Variants in CNTN5 observed in about 807,000 individuals in gnomAD.
The protein encoded by CNTN5 is contactin 5.
Under a neutral mutation model 129.1 loss-of-function variants are expected in CNTN5, and 77 were observed. The observed-to-expected ratio is 0.60, with a 90% CI of 0.50 to 0.72. The LOEUF (loss-of-function observed/expected upper bound fraction) is 0.72. Ranked by LOEUF, CNTN5 falls within the 30% of genes least tolerant of loss-of-function variation. CNTN5 has a pLI of 0.00. For missense variants in CNTN5, 1,478 were observed against 1,328.8 expected (o/e 1.11, Z -1.75); for synonymous variants, 509 against 465.6 (o/e 1.09, Z -1.20).
intron 4 of CNTN5, among the ~76,000 whole-genome samples, chr11:99,832,721 C>T (rs78127828): frequency 0.035 from 5,283 of 152,188 alleles, 134 homozygotes; most frequent in South Asian, 0.093. Context: ...GTTAACACTT[C>T]AAAATTTCTT....
chr11:100,177,728 G>A (rs766360021), intron 13 of CNTN5, among the ~76,000 whole-genome samples: 28 of 152,076 alleles, frequency 1.8e-4, no homozygotes, highest in Non-Finnish European at 3.8e-4. Context: ...ACAGGGAGCC[G>A]ACATATACGT....
chr11:99,774,400 C>T (rs1402081977), intron 3 of CNTN5, among the ~76,000 whole-genome samples: 3 of 151,422 alleles, frequency 2.0e-5, no homozygotes, highest in Non-Finnish European at 4.4e-5. Context: ...TGATTCCTCC[C>T]CTTTTGTTTA....
At chr11:99,510,597 A>G (rs1946798671) in intron 2 of CNTN5, among the ~76,000 whole-genome samples, 1 of 152,198 alleles carries the variant, frequency 6.6e-6, no homozygotes, top group Admixed American at 6.5e-5. Context: ...GTTTTGGTCA[A>G]TAATGGACTG....
At chr11:99,197,803 A>G (rs1164151983) in intron 1 of CNTN5, among the ~76,000 whole-genome samples, 1 of 152,126 alleles carries the variant, frequency 6.6e-6, no homozygotes, top group East Asian at 1.9e-4. Context: ...AATATTAGGT[A>G]CAAGGATTAA....
intron 21 of CNTN5, among the ~76,000 whole-genome samples, chr11:100,340,098 T>C (rs1591527640): frequency 6.6e-6 from 1 of 152,164 alleles, no homozygotes; most frequent in Non-Finnish European, 1.5e-5. Flanking sequence ...CATTTGAAGT[T>C]TCATGGTTTT....
intron 1 of CNTN5, among the ~76,000 whole-genome samples, chr11:99,213,342 A>G (rs1859916292): frequency 7.2e-6 from 1 of 138,028 alleles, no homozygotes; most frequent in Non-Finnish European, 1.6e-5. Flanking sequence ...ATACATATAT[A>G]AAATATTATA....
chr11:99,729,866 G>A (rs370549546), intron 3 of CNTN5, among the ~76,000 whole-genome samples: 1 of 152,132 alleles, frequency 6.6e-6, no homozygotes, highest in African/African-American at 2.4e-5. Context: ...CATGGACACG[G>A]GGAGGGGAAC....
intron 13 of CNTN5, among the ~76,000 whole-genome samples, chr11:100,103,391 T>C (rs1007693358): frequency 2.0e-5 from 3 of 152,162 alleles, no homozygotes; most frequent in African/African-American, 7.2e-5. Flanking sequence ...ACAATCCATG[T>C]CTTGGAGCGC....
chr11:99,274,639 C>T (rs1863339190), intron 1 of CNTN5, among the ~76,000 whole-genome samples: 1 of 151,440 alleles, frequency 6.6e-6, no homozygotes, highest in African/African-American at 2.4e-5. Flanking sequence ...TCAATAAAAA[C>T]TACTATATAT....
At chr11:100,232,458 A>C (rs1302948839) in intron 16 of CNTN5, among the ~76,000 whole-genome samples, 1 of 152,222 alleles carries the variant, frequency 6.6e-6, no homozygotes, top group Non-Finnish European at 1.5e-5. Flanking sequence ...GGCAAGGGCA[A>C]GTTCAGAGGA....
intron 3 of CNTN5, among the ~76,000 whole-genome samples, chr11:99,701,895 ACTC>A (rs1954537589): frequency 6.6e-6 from 1 of 150,848 alleles, no homozygotes; most frequent in Non-Finnish European, 1.5e-5. Flanking sequence ...GAGCTATTTT[ACTC>A]CTAATTTCTT....
At chr11:99,408,476 A>AAG (rs1362620209) in intron 2 of CNTN5, among the ~76,000 whole-genome samples, 3 of 135,466 alleles carry the variant, frequency 2.2e-5, no homozygotes, top group South Asian at 5.0e-4. Flanking sequence ...GAAAGAAAGA[A>AAG]AGAAAGAAAG....
intron 3 of CNTN5, among the ~76,000 whole-genome samples, chr11:99,729,624 A>T (rs1279495194): frequency 6.6e-6 from 1 of 152,166 alleles, no homozygotes; most frequent in African/African-American, 2.4e-5. Context: ...GAAGTAATTC[A>T]CAGTGGCGGA....
rs183390241 is a variant in CNTN5 at position 99,582,588 on chromosome 11, G to A, written c.55+26319G>A. ...CATTTCATTCATTTCGTCTTCCATCGCTGATACCCTTTCTTCCAGTTGATC... is the reference window on the plus strand; with the variant it reads ...CATTTCATTCATTTCGTCTTCCATCACTGATACCCTTTCTTCCAGTTGATC... On this transcript the variant is annotated intron_variant, in intron 3 of 24. Coordinates refer to ENST00000524871, the MANE Select transcript of CNTN5 (RefSeq NM_014361.4). 5.8e-4 allele frequency among the ~76,000 whole-genome samples: 88 copies of A among 151,878 alleles called. 1 individual carries two copies. The highest frequency in any genetic ancestry group is 1.3e-3 in the African/African-American group (55 of 41,380).
intron 6 of CNTN5, among the ~76,000 whole-genome samples, chr11:99,886,754 C>T (rs1301350643): frequency 1.3e-5 from 2 of 152,112 alleles, no homozygotes; most frequent in African/African-American, 2.4e-5. Context: ...GCAGTGAAAA[C>T]TAATGAATCC....
chr11:100,300,610 TA>T (rs1050105889), intron 20 of CNTN5, among the ~76,000 whole-genome samples: 1 of 151,606 alleles, frequency 6.6e-6, no homozygotes, highest in African/African-American at 2.4e-5. Context: ...TGTGAATATT[TA>T]AAAACAAAGA....
chr11:99,890,049 T>C (rs2135901853), intron 6 of CNTN5, among the ~76,000 whole-genome samples: 1 of 152,322 alleles, frequency 6.6e-6, no homozygotes, highest in South Asian at 2.1e-4. Context: ...AGTGCTTATT[T>C]GTCATGGACC....
intron 2 of CNTN5, among the ~76,000 whole-genome samples, chr11:99,469,944 G>C (rs1250544467): frequency 6.6e-6 from 1 of 152,022 alleles, no homozygotes; most frequent in Non-Finnish European, 1.5e-5. Flanking sequence ...ATGAGTGTCA[G>C]TCATATACTA....
chr11:99,729,962 C>G (rs1178251294), intron 3 of CNTN5, among the ~76,000 whole-genome samples: 3 of 151,992 alleles, frequency 2.0e-5, no homozygotes, highest in African/African-American at 7.3e-5. Flanking sequence ...GGGCTTAATA[C>G]CTAGGTGATG....
Sources: allele counts gnomAD v4.1 joint callset (sites outside exome capture counted in the v4.1 genomes callset), GRCh38; gene constraint gnomAD v4.1.1; transcripts MANE v1.5; gene names NCBI Gene and HGNC (gene_info 2026-07-23, HGNC 2026-07-21).